The following UST variants were observed in gnomAD, a reference collection of about 807,000 sequenced individuals.
UST encodes uronyl 2-sulfotransferase, also known as chondroitin sulfate 2-O-sulfotransferase.
UST carries 21 observed loss-of-function variants against 45.6 expected under a neutral mutation model. That is an observed-to-expected ratio of 0.46 (90% confidence interval 0.33 to 0.66). The LOEUF (loss-of-function observed/expected upper bound fraction) is 0.66. UST is among the 30% of genes least tolerant of loss of function. The pLI, the probability that UST is intolerant of heterozygous loss-of-function variation, is 0.02. For synonymous variants in UST, 215 were observed against 200.6 expected, an observed-to-expected ratio of 1.07 and a Z score of -0.61; for missense variants, 463 against 512.4, an observed-to-expected ratio of 0.90 and a Z score of 0.93.
chr6:148,847,326 A>G (rs1778010223), intron 1 of UST, among the ~76,000 whole-genome samples: 1 of 152,244 alleles, frequency 6.6e-6, no homozygotes, highest in South Asian at 2.1e-4. Context: ...AGGAGCTGCT[A>G]GCAAACTCAA....
At chr6:148,874,260 G>A (rs1293326610) in intron 1 of UST, among the ~76,000 whole-genome samples, 4 of 152,222 alleles carry the variant, frequency 2.6e-5, no homozygotes, top group African/African-American at 9.6e-5. Flanking sequence ...TGTTATTATA[G>A]CAGTAGTGCA....
chr6:148,826,871 A>G (rs765022809), intron 1 of UST, among the ~76,000 whole-genome samples: 2 of 152,062 alleles, frequency 1.3e-5, no homozygotes, highest in Non-Finnish European at 2.9e-5. Context: ...AGTGCCTCTC[A>G]TGTTGCATCT....
chr6:148,848,468 C>G (rs1422206939), intron 1 of UST, among the ~76,000 whole-genome samples: 2 of 152,088 alleles, frequency 1.3e-5, no homozygotes, highest in Non-Finnish European at 2.9e-5. Context: ...GTCGAGAGAT[C>G]GAGTCCATCC....
chr6:149,002,664 G>A (rs186762990), intron 5 of UST, among the ~76,000 whole-genome samples: 21 of 152,064 alleles, frequency 1.4e-4, no homozygotes, highest in African/African-American at 3.4e-4. Flanking sequence ...AGACCACCAC[G>A]CCCAGCTAAT....
At chr6:148,886,843 A>G (rs1582878160) in intron 1 of UST, 143 bp from the exon 2 acceptor site, 3 of 718,532 alleles carry the variant, frequency 4.2e-6, no homozygotes, top group East Asian at 2.6e-5. Flanking sequence ...CAGTCAAACC[A>G]GTGATTAATT....
At chr6:148,862,543 G>A (rs566527361) in intron 1 of UST, among the ~76,000 whole-genome samples, 2 of 152,206 alleles carry the variant, frequency 1.3e-5, no homozygotes, top group Admixed American at 1.3e-4. Context: ...TGTCATTATC[G>A]TGTTAGCTGC....
At chr6:149,015,307 A>G (rs966885271) in intron 5 of UST, among the ~76,000 whole-genome samples, 2 of 152,240 alleles carry the variant, frequency 1.3e-5, no homozygotes, top group African/African-American at 2.4e-5. Context: ...TGCAACACAA[A>G]TGGATTAATT....
intron 7 of UST, among the ~76,000 whole-genome samples, chr6:149,022,417 C>T (rs1212429749): frequency 1.3e-5 from 2 of 151,794 alleles, no homozygotes; most frequent in Admixed American, 6.6e-5. Context: ...CTGGCCAACA[C>T]GGAGAAACCC....
At chr6:148,911,220 C>T (rs1301641235) in intron 2 of UST, among the ~76,000 whole-genome samples, 1 of 152,208 alleles carries the variant, frequency 6.6e-6, no homozygotes, top group Non-Finnish European at 1.5e-5. Flanking sequence ...ACTCAGTCAT[C>T]ACCACTCTGA....
intron 2 of UST, among the ~76,000 whole-genome samples, chr6:148,921,855 T>C (rs9498181): frequency 0.013 from 2,001 of 152,196 alleles, 33 homozygotes; most frequent in African/African-American, 0.043. Flanking sequence ...CCGCCACCCA[T>C]GCCCCACTCT....
intron 2 of UST, among the ~76,000 whole-genome samples, chr6:148,912,158 A>G (rs1366707827): frequency 6.6e-6 from 1 of 152,196 alleles, no homozygotes; most frequent in Non-Finnish European, 1.5e-5. Context: ...GATCATGCCA[A>G]TGCACTCCAG....
chr6:149,010,874 A>G (rs371047740), intron 5 of UST, among the ~76,000 whole-genome samples: 1 of 121,100 alleles, frequency 8.3e-6, no homozygotes. Flanking sequence ...CCTGGGAGAC[A>G]GAGCAAGACT....
chr6:148,796,480 T>A (rs1374728187), intron 1 of UST, among the ~76,000 whole-genome samples: 2 of 151,902 alleles, frequency 1.3e-5, no homozygotes, highest in Admixed American at 1.3e-4. Context: ...AAAAATTAGA[T>A]GGACGTGGTG....
At chr6:148,792,344 G>A (rs557336133) in intron 1 of UST, among the ~76,000 whole-genome samples, 3 of 152,248 alleles carry the variant, frequency 2.0e-5, no homozygotes, top group African/African-American at 2.4e-5. Context: ...AGCTGACCCC[G>A]GGCTGGCAAT....
At chr6:148,917,750 T>G (rs1779616985) in intron 2 of UST, among the ~76,000 whole-genome samples, 1 of 152,152 alleles carries the variant, frequency 6.6e-6, no homozygotes, top group South Asian at 2.1e-4. Flanking sequence ...CCACAGGGGA[T>G]GTGACTCAAA....
At chr6:149,038,534 C>A (rs543206900) in intron 7 of UST, among the ~76,000 whole-genome samples, 76 of 152,188 alleles carry the variant, frequency 5.0e-4, no homozygotes, top group African/African-American at 1.7e-3. Flanking sequence ...GGAAACACAA[C>A]TCTTCCAACC....
At chr6:148,870,956 A>G (rs1037247933) in intron 1 of UST, among the ~76,000 whole-genome samples, 3 of 152,134 alleles carry the variant, frequency 2.0e-5, no homozygotes, top group African/African-American at 4.8e-5. Flanking sequence ...CTATGGACTC[A>G]ATGGCTGTGT....
At chr6:148,939,825 T>C (rs905165966) in intron 2 of UST, among the ~76,000 whole-genome samples, 30 of 152,160 alleles carry the variant, frequency 2.0e-4, no homozygotes, top group Non-Finnish European at 5.9e-5. Flanking sequence ...TTCTTAGATA[T>C]GACACCAAAA....
At chr6:148,966,115 T>C (rs1423077871) in intron 5 of UST, among the ~76,000 whole-genome samples, 4 of 151,984 alleles carry the variant, frequency 2.6e-5, no homozygotes, top group Admixed American at 6.5e-5. Context: ...TCCCAGCGAA[T>C]TGGGAGGCTG....
Sources: allele counts gnomAD v4.1 joint callset (sites outside exome capture counted in the v4.1 genomes callset), GRCh38; gene constraint gnomAD v4.1.1; transcripts MANE v1.5; gene names NCBI Gene and HGNC (gene_info 2026-07-23, HGNC 2026-07-21).